ROBO2: variants seen among roughly 807,000 people sequenced by gnomAD.
ROBO2 encodes roundabout guidance receptor 2, also known as roundabout homolog 2.
Under a neutral mutation model 160.8 loss-of-function variants are expected in ROBO2, and 53 were observed. That is an observed-to-expected ratio of 0.33 (90% CI 0.26 to 0.41). The LOEUF (loss-of-function observed/expected upper bound fraction) is 0.41. ROBO2 is among the 10% of genes least tolerant of loss of function. The probability of loss-of-function intolerance (pLI) is 1.00; values close to 1 mark genes in which losing one functional copy is unlikely to be tolerated. For synonymous variants in ROBO2, 664 were observed against 611.7 expected (o/e 1.09, Z -1.26); for missense variants, 1,577 against 1,722.4 (o/e 0.92, Z 1.49).
intron 2 of ROBO2, among the ~76,000 whole-genome samples, chr3:77,316,109 T>C (rs2063959676): frequency 6.6e-6 from 1 of 152,192 alleles, no homozygotes; most frequent in Admixed American, 6.5e-5. Context: ...TCCAAGCTTA[T>C]AGCTGGAGCT....
intron 2 of ROBO2, among the ~76,000 whole-genome samples, chr3:76,426,041 A>C (rs1057367899): frequency 6.6e-6 from 1 of 152,142 alleles, no homozygotes; most frequent in African/African-American, 2.4e-5. Context: ...AGGCATGAAG[A>C]TTGTCAAGTG....
chr3:75,949,475 A>C (rs1948452537), intron 2 of ROBO2, among the ~76,000 whole-genome samples: 1 of 152,090 alleles, frequency 6.6e-6, no homozygotes, highest in Non-Finnish European at 1.5e-5. Context: ...ATGTACTGTA[A>C]GGTTTGCATG....
chr3:76,423,748 G>C (rs1038374961), intron 2 of ROBO2, among the ~76,000 whole-genome samples: 1 of 152,170 alleles, frequency 6.6e-6, no homozygotes, highest in African/African-American at 2.4e-5. Flanking sequence ...CGGATGACAG[G>C]TCAAAGAATT....
At chr3:76,658,611 T>C (rs1449389606) in intron 2 of ROBO2, among the ~76,000 whole-genome samples, 1 of 152,176 alleles carries the variant, frequency 6.6e-6, no homozygotes, top group Non-Finnish European at 1.5e-5. Flanking sequence ...TCTGTCTTAG[T>C]TTGCTGAGAA....
intron 2 of ROBO2, among the ~76,000 whole-genome samples, chr3:76,775,081 C>G (rs1184228309): frequency 2.0e-5 from 3 of 150,506 alleles, no homozygotes; most frequent in Non-Finnish European, 3.0e-5. Context: ...TTTCTAAAAA[C>G]TTATTTTTCT....
At chr3:75,933,369 G>A (rs1947627457) in intron 1 of ROBO2, among the ~76,000 whole-genome samples, 1 of 152,174 alleles carries the variant, frequency 6.6e-6, no homozygotes, top group African/African-American at 2.4e-5. Flanking sequence ...GGTGATCAGA[G>A]AGGTTGCTTT....
intron 2 of ROBO2, among the ~76,000 whole-genome samples, chr3:76,176,862 GTAGAACACTCAAGT>G (rs1248114740): frequency 1.3e-5 from 2 of 151,978 alleles, no homozygotes; most frequent in Non-Finnish European, 2.9e-5. Flanking sequence ...CCGTTTTATA[GTAGAACACTCAAGT>G]GTAGAGAAGT....
intron 1 of ROBO2, among the ~76,000 whole-genome samples, chr3:75,914,114 C>A (rs1464390500): frequency 6.6e-6 from 1 of 152,118 alleles, no homozygotes; most frequent in Non-Finnish European, 1.5e-5. Context: ...GTTTTTCCTT[C>A]ATTTTTCTTA....
At chr3:76,146,876 TCACACA>T (rs1053449648) in intron 2 of ROBO2, among the ~76,000 whole-genome samples, 6 of 146,108 alleles carry the variant, frequency 4.1e-5, no homozygotes, top group Admixed American at 4.1e-4. Flanking sequence ...ACACACACAC[TCACACA>T]CACACAAACA....
At chr3:76,849,618 G>C (rs929265384) in intron 2 of ROBO2, among the ~76,000 whole-genome samples, 6 of 152,036 alleles carry the variant, frequency 3.9e-5, no homozygotes, top group Admixed American at 1.3e-4. Context: ...CATTTTTAAA[G>C]AATGCTTGTA....
At chr3:77,377,857 T>C (rs1392291100) in intron 2 of ROBO2, among the ~76,000 whole-genome samples, 1 of 152,222 alleles carries the variant, frequency 6.6e-6, no homozygotes, top group Non-Finnish European at 1.5e-5. Context: ...CAGTGACTAA[T>C]GGTATTAGTT....
intron 2 of ROBO2, among the ~76,000 whole-genome samples, chr3:76,586,137 T>C (rs1445893423): frequency 6.6e-6 from 1 of 152,174 alleles, no homozygotes; most frequent in Non-Finnish European, 1.5e-5. Context: ...GTTTTCAGGA[T>C]AATAGCAAAA....
At chr3:76,255,697 C>T (rs1372223676) in intron 2 of ROBO2, among the ~76,000 whole-genome samples, 1 of 151,702 alleles carries the variant, frequency 6.6e-6, no homozygotes, top group Non-Finnish European at 1.5e-5. Context: ...AGAGTTCAAT[C>T]GAAAATCACA....
At chr3:76,751,556 G>T (rs1224675954) in intron 2 of ROBO2, among the ~76,000 whole-genome samples, 1 of 152,050 alleles carries the variant, frequency 6.6e-6, no homozygotes, top group African/African-American at 2.4e-5. Flanking sequence ...CTGACAAAGG[G>T]CTAATATCCA....
At chr3:76,860,069 A>T (rs2070584822) in intron 2 of ROBO2, among the ~76,000 whole-genome samples, 1 of 152,164 alleles carries the variant, frequency 6.6e-6, no homozygotes, top group South Asian at 2.1e-4. Context: ...CATGTATATC[A>T]TTTTGTTCAA....
chr3:76,405,868 C>A (rs1156583521), intron 2 of ROBO2, among the ~76,000 whole-genome samples: 1 of 151,612 alleles, frequency 6.6e-6, no homozygotes, highest in East Asian at 1.9e-4. Context: ...ATAATCATGC[C>A]TTTTGAAAAT....
chr3:77,012,912 C>T (rs894942198), intron 2 of ROBO2, among the ~76,000 whole-genome samples: 2 of 152,104 alleles, frequency 1.3e-5, no homozygotes, highest in East Asian at 1.9e-4. Context: ...ATTTATTTTG[C>T]GTTCCCAGAT....
At chr3:76,842,417 A>T (rs916047979) in intron 2 of ROBO2, among the ~76,000 whole-genome samples, 1 of 152,234 alleles carries the variant, frequency 6.6e-6, no homozygotes, top group African/African-American at 2.4e-5. Context: ...GACACTGGGA[A>T]CGGTTTTCAG....
intron 2 of ROBO2, among the ~76,000 whole-genome samples, chr3:77,438,289 G>A (rs2153549871): frequency 6.6e-6 from 1 of 151,896 alleles, no homozygotes; most frequent in Non-Finnish European, 1.5e-5. Flanking sequence ...TGAGCAAATG[G>A]CAACAGCAAC....
Sources: gnomAD v4.1 joint callset for allele counts (sites outside exome capture counted in the v4.1 genomes callset) on GRCh38, gnomAD v4.1.1 for gene constraint, MANE v1.5 for transcripts, NCBI Gene and HGNC (gene_info 2026-07-23, HGNC 2026-07-21) for gene names.